The following NTM variants were observed in gnomAD, a reference collection of about 807,000 sequenced individuals.
NTM encodes neurotrimin, also known as IgLON family member 2.
A neutral mutation model predicts 42.1 loss-of-function variants in NTM; 13 were observed. The ratio of observed to expected loss-of-function variants is 0.31; its 90% CI spans 0.20 to 0.49. The LOEUF is 0.49. NTM is among the 20% of genes least tolerant of loss of function. The probability of loss-of-function intolerance (pLI) is 0.99; values close to 1 mark genes in which losing one functional copy is unlikely to be tolerated. For missense variants in NTM, 373 were observed against 452.8 expected (o/e 0.82, Z 1.60); for synonymous variants, 187 against 179.2 (o/e 1.04, Z -0.35).
At chr11:131,563,518 C>T (rs192902530) in intron 1 of NTM, among the ~76,000 whole-genome samples, 48 of 145,842 alleles carry the variant, frequency 3.3e-4, no homozygotes, top group East Asian at 1.1e-3. Context: ...TTAGCCTGGG[C>T]GGGCCAGGGC....
intron 2 of NTM, among the ~76,000 whole-genome samples, chr11:132,100,463 C>T (rs1241012872): frequency 1.3e-5 from 2 of 152,208 alleles, no homozygotes; most frequent in Non-Finnish European, 2.9e-5. Flanking sequence ...TGCAAGCCCC[C>T]TTTGAGTTTC....
At chr11:131,569,101 C>T (rs2057186762) in intron 1 of NTM, among the ~76,000 whole-genome samples, 1 of 152,092 alleles carries the variant, frequency 6.6e-6, no homozygotes, top group South Asian at 2.1e-4. Flanking sequence ...TCCTAGGCAA[C>T]CCCTAATCTG....
chr11:131,916,569 T>A (rs528919305), intron 2 of NTM, among the ~76,000 whole-genome samples: 19 of 152,316 alleles, frequency 1.2e-4, no homozygotes, highest in African/African-American at 4.3e-4. Flanking sequence ...GTGGTTTTGA[T>A]ACTTGAGAGG....
At chr11:132,107,464 C>T (rs544859457) in intron 2 of NTM, among the ~76,000 whole-genome samples, 14 of 150,222 alleles carry the variant, frequency 9.3e-5, no homozygotes, top group Non-Finnish European at 1.9e-4. Flanking sequence ...GATCCTCCCT[C>T]CTCAGCCTCC....
intron 1 of NTM, among the ~76,000 whole-genome samples, chr11:131,759,511 T>C (rs2083811072): frequency 6.6e-6 from 1 of 152,128 alleles, no homozygotes; most frequent in Non-Finnish European, 1.5e-5. Context: ...TCTTCTCTCT[T>C]CCTCCTTTTT....
intron 1 of NTM, among the ~76,000 whole-genome samples, chr11:131,886,747 C>T (rs1443061658): frequency 6.6e-6 from 1 of 152,184 alleles, no homozygotes; most frequent in African/African-American, 2.4e-5. Context: ...GGTAAGATGA[C>T]AGAGCCAAGC....
intron 4 of NTM, among the ~76,000 whole-genome samples, chr11:132,247,961 A>T (rs778494338): frequency 1.3e-5 from 2 of 152,154 alleles, no homozygotes; most frequent in Non-Finnish European, 2.9e-5. Context: ...GGATTTTCCA[A>T]GAGCCTCACC....
intron 2 of NTM, among the ~76,000 whole-genome samples, chr11:132,106,099 T>C (rs963133528): frequency 1.1e-4 from 16 of 152,320 alleles, no homozygotes; most frequent in African/African-American, 3.6e-4. Context: ...ATTACTTACA[T>C]GTTCCCTGAA....
intron 2 of NTM, among the ~76,000 whole-genome samples, chr11:132,117,192 C>G (rs1447371673): frequency 1.3e-5 from 2 of 152,188 alleles, no homozygotes; most frequent in Non-Finnish European, 2.9e-5. Context: ...GTCTAGTTAA[C>G]CCTCTAGCAA....
chr11:132,298,223 G>T (rs2140087858), intron 4 of NTM, among the ~76,000 whole-genome samples: 1 of 152,330 alleles, frequency 6.6e-6, no homozygotes. Context: ...AAACAGCCAA[G>T]ATACTGAGGC....
intron 1 of NTM, among the ~76,000 whole-genome samples, chr11:131,642,137 G>T (rs1038299384): frequency 1.1e-4 from 16 of 152,196 alleles, no homozygotes; most frequent in Admixed American, 9.2e-4. Context: ...GCCATTTCCT[G>T]ACACACGGCA....
intron 2 of NTM, among the ~76,000 whole-genome samples, chr11:131,927,634 T>C (rs2058107723): frequency 6.6e-6 from 1 of 152,200 alleles, no homozygotes; most frequent in Non-Finnish European, 1.5e-5. Flanking sequence ...ACTTTCAAAA[T>C]ACTATTCACA....
rs192197151 is a variant in NTM at position 131,537,451 on chromosome 11, C to A, written c.82+166563C>A. ...AAGCAACTTGTGCGTCCGGGGCTGA[C>A]AGAGCCGCTAAACAACCACACCTCC... On this transcript the variant is annotated intron_variant, in intron 1 of 8. Coordinates refer to ENST00000683400, the MANE Select transcript of NTM (RefSeq NM_001352005.2). 4.6e-5 allele frequency: 7 copies of A among 152,312 alleles called. No homozygotes were observed. In the East Asian group the frequency reaches 1.4e-3, roughly 30 times the overall value. The allele number at this position is 152,312 out of a possible 1,614,324, so 9.4% of individuals were successfully genotyped here. A position where few individuals can be genotyped will look rare whatever the true frequency, so the allele number is the denominator to read the frequency against.
At chr11:132,327,367 G>T (rs1200876417) in intron 7 of NTM, among the ~76,000 whole-genome samples, 1 of 152,212 alleles carries the variant, frequency 6.6e-6, no homozygotes, top group East Asian at 1.9e-4. Context: ...ATTTATTAAA[G>T]AATGGGGACT....
At chr11:131,417,634 G>A (rs928955116) in intron 1 of NTM, among the ~76,000 whole-genome samples, 1 of 152,112 alleles carries the variant, frequency 6.6e-6, no homozygotes, top group South Asian at 2.1e-4. Flanking sequence ...AAAATGACAC[G>A]TTCATTATTT....
chr11:132,120,195 A>G (rs1013974282), intron 2 of NTM, among the ~76,000 whole-genome samples: 2 of 151,950 alleles, frequency 1.3e-5, no homozygotes, highest in African/African-American at 4.8e-5. Flanking sequence ...CATGTTGAGC[A>G]GCTCTGGCTT....
intron 4 of NTM, among the ~76,000 whole-genome samples, chr11:132,254,942 C>A (rs2092349674): frequency 6.6e-6 from 1 of 152,248 alleles, no homozygotes. Context: ...GTAACAAGCA[C>A]ATCCCAATTG....
At chr11:131,961,182 C>G (rs954810515) in intron 2 of NTM, among the ~76,000 whole-genome samples, 1 of 152,134 alleles carries the variant, frequency 6.6e-6, no homozygotes, top group East Asian at 1.9e-4. Flanking sequence ...AATGGTCAAG[C>G]AGAAATCCTG....
At chr11:131,764,282 C>T (rs2084755976) in intron 1 of NTM, among the ~76,000 whole-genome samples, 1 of 152,142 alleles carries the variant, frequency 6.6e-6, no homozygotes, top group Non-Finnish European at 1.5e-5. Flanking sequence ...CTTTACCTGG[C>T]AAAGCTGTGC....
Sources: gnomAD v4.1 joint callset for allele counts (sites outside exome capture counted in the v4.1 genomes callset) on GRCh38, gnomAD v4.1.1 for gene constraint, MANE v1.5 for transcripts, NCBI Gene and HGNC (gene_info 2026-07-23, HGNC 2026-07-21) for gene names.